The following RBFOX1 variants were observed in gnomAD, a reference collection of about 807,000 sequenced individuals.
The protein encoded by RBFOX1 is RNA binding fox-1 homolog 1, also known as RNA binding protein fox-1 homolog 1.
In RBFOX1, 8 loss-of-function variants were observed where a neutral mutation model predicts 57.7. That is an observed-to-expected ratio of 0.14 (90% confidence interval 0.08 to 0.25). RBFOX1 has a LOEUF of 0.25. Among genes scored for constraint, RBFOX1 ranks in the 10% least tolerant of loss-of-function variants. The pLI is 1.00. For synonymous variants in RBFOX1, 326 were observed against 222.4 expected (o/e 1.47, Z -4.15); for missense variants, 611 against 548.5 (o/e 1.11, Z -1.14).
intron 1 of RBFOX1, among the ~76,000 whole-genome samples, chr16:5,302,331 A>T (rs1245728764): frequency 2.6e-5 from 4 of 152,188 alleles, no homozygotes; most frequent in Admixed American, 2.0e-4. Flanking sequence ...GTTTAATGAG[A>T]CTAGCTTTAT....
intron 4 of RBFOX1, among the ~76,000 whole-genome samples, chr16:7,125,066 A>C (rs2068150925): frequency 6.6e-6 from 1 of 152,148 alleles, no homozygotes; most frequent in Non-Finnish European, 1.5e-5. Flanking sequence ...GGATGAAGAG[A>C]GCACTCTGTC....
At chr16:6,450,799 A>AAT (rs1567303106) in intron 2 of RBFOX1, among the ~76,000 whole-genome samples, 13 of 12,536 alleles carry the variant, frequency 1.0e-3, no homozygotes, top group African/African-American at 6.7e-3. Flanking sequence ...ACATATATAT[A>AAT]TGTATATATA....
intron 3 of RBFOX1, among the ~76,000 whole-genome samples, chr16:6,955,597 A>G (rs1477054227): frequency 6.6e-6 from 1 of 152,124 alleles, no homozygotes; most frequent in East Asian, 1.9e-4. Flanking sequence ...ATGCTGGTGC[A>G]TTGTATTGCC....
At chr16:5,501,917 C>G (rs1031079381) in intron 2 of RBFOX1, among the ~76,000 whole-genome samples, 28 of 151,896 alleles carry the variant, frequency 1.8e-4, no homozygotes, top group Admixed American at 7.9e-4. Context: ...AGAGATGGGT[C>G]TTGCTATGTT....
intron 3 of RBFOX1, among the ~76,000 whole-genome samples, chr16:5,827,915 A>G (rs922367061): frequency 1.4e-5 from 2 of 147,144 alleles, no homozygotes; most frequent in Non-Finnish European, 3.0e-5. Flanking sequence ...CCATCCATCC[A>G]TCCACCCATC....
At chr16:5,943,440 C>G (rs923738469) in intron 4 of RBFOX1, among the ~76,000 whole-genome samples, 1 of 152,154 alleles carries the variant, frequency 6.6e-6, no homozygotes, top group Admixed American at 6.5e-5. Context: ...GGAAACATTT[C>G]TGGGTCAAAA....
chr16:6,485,557 G>A (rs2153107413), intron 2 of RBFOX1, among the ~76,000 whole-genome samples: 1 of 151,870 alleles, frequency 6.6e-6, no homozygotes, highest in Admixed American at 6.6e-5. Flanking sequence ...TTTCTTTCAG[G>A]AATTCTCCGC....
At chr16:5,661,199 A>C (rs1400755503) in intron 3 of RBFOX1, among the ~76,000 whole-genome samples, 2 of 152,144 alleles carry the variant, frequency 1.3e-5, no homozygotes, top group South Asian at 2.1e-4. Flanking sequence ...TATTTTCCCA[A>C]CTTATTTATT....
chr16:6,383,203 A>G (rs559677400), intron 2 of RBFOX1, among the ~76,000 whole-genome samples: 1 of 152,226 alleles, frequency 6.6e-6, no homozygotes, highest in Non-Finnish European at 1.5e-5. Flanking sequence ...TGTTAAAGGA[A>G]GCATTTGATG....
chr16:7,593,137 C>A (rs1047003318), intron 7 of RBFOX1, among the ~76,000 whole-genome samples: 2 of 152,028 alleles, frequency 1.3e-5, no homozygotes, highest in Non-Finnish European at 2.9e-5. Context: ...TTGATGGTTT[C>A]GATCACACGT....
At chr16:6,702,694 G>A (rs970950009) in intron 3 of RBFOX1, among the ~76,000 whole-genome samples, 1 of 152,114 alleles carries the variant, frequency 6.6e-6, no homozygotes, top group Non-Finnish European at 1.5e-5. Flanking sequence ...AATCCTGTAC[G>A]GCAGATACTG....
At chr16:6,814,835 G>C (rs1037628254) in intron 3 of RBFOX1, among the ~76,000 whole-genome samples, 4 of 152,244 alleles carry the variant, frequency 2.6e-5, no homozygotes, top group African/African-American at 7.2e-5. Context: ...TTTCTGGAAA[G>C]GGGTCCTGAT....
intron 1 of RBFOX1, among the ~76,000 whole-genome samples, chr16:5,348,871 C>A (rs2065200479): frequency 6.6e-6 from 1 of 152,192 alleles, no homozygotes; most frequent in Non-Finnish European, 1.5e-5. Flanking sequence ...TAGTGCTGCA[C>A]CAAACTTGGG....
chr16:6,953,058 G>A (rs570333646), intron 3 of RBFOX1, among the ~76,000 whole-genome samples: 1 of 152,194 alleles, frequency 6.6e-6, no homozygotes, highest in Non-Finnish European at 1.5e-5. Context: ...TTTCTATATT[G>A]CAGGTGGCGA....
rs141072092 is a variant in RBFOX1, at chr16:5,323,459, G to A, written c.219+83354G>A. ...CTCCAGCCTTGCTCATGTTAATTAC[G>A]TGGGTTCTCTGGCATCTGAAACATC... On this transcript the variant is annotated intron_variant, in intron 1 of 2. Coordinates refer to the RBFOX1 transcript ENST00000585867. Among the ~76,000 whole-genome samples the A allele has an allele frequency of 2.6e-3, 395 of 152,328 alleles. 1 individual carries two copies. The highest frequency in any genetic ancestry group is 4.4e-3 in the Non-Finnish European group (300 of 68,034).
chr16:5,380,973 A>G (rs558620691), intron 1 of RBFOX1, among the ~76,000 whole-genome samples: 1 of 152,362 alleles, frequency 6.6e-6, no homozygotes, highest in South Asian at 2.1e-4. Context: ...AGGTTTGGCA[A>G]TAAAGATCTG....
chr16:6,434,410 C>T (rs940178766), intron 2 of RBFOX1, among the ~76,000 whole-genome samples: 1 of 152,132 alleles, frequency 6.6e-6, no homozygotes, highest in Non-Finnish European at 1.5e-5. Flanking sequence ...GCTCCTCAGC[C>T]TTCCTGCAAA....
At chr16:6,789,769 A>T (rs138535907) in intron 3 of RBFOX1, among the ~76,000 whole-genome samples, 1 of 152,042 alleles carries the variant, frequency 6.6e-6, no homozygotes, top group African/African-American at 2.4e-5. Context: ...TAGTTTTTTA[A>T]AAAATCTTCT....
chr16:7,498,793 G>A (rs1279581772), intron 4 of RBFOX1, among the ~76,000 whole-genome samples: 1 of 152,126 alleles, frequency 6.6e-6, no homozygotes, highest in Non-Finnish European at 1.5e-5. Flanking sequence ...AGCTGATCTA[G>A]CAAGCTCTTA....
Sources: allele counts gnomAD v4.1 joint callset (sites outside exome capture counted in the v4.1 genomes callset), GRCh38; gene constraint gnomAD v4.1.1; transcripts MANE v1.5; gene names NCBI Gene and HGNC (gene_info 2026-07-23, HGNC 2026-07-21).